The following PCDHGB4 variants were observed in gnomAD, a reference collection of about 807,000 sequenced individuals.
The protein encoded by PCDHGB4 is protocadherin gamma subfamily B, 4.
Under a neutral mutation model 60.5 loss-of-function variants are expected in PCDHGB4, and 38 were observed. The ratio of observed to expected loss-of-function variants is 0.63; its 90% CI spans 0.48 to 0.82. The LOEUF is 0.82. Ranked by LOEUF, PCDHGB4 falls within the 40% of genes least tolerant of loss-of-function variation. The pLI is 0.00. For synonymous variants in PCDHGB4, 456 were observed against 509.7 expected, an observed-to-expected ratio of 0.89 and a Z score of 1.42; for missense variants, 1,109 against 1,209.6, an observed-to-expected ratio of 0.92 and a Z score of 1.23.
Position 141,409,860 on chromosome 5 carries a change from G to A in PCDHGB4, c.2397+19579G>A, listed in dbSNP as rs764823576. On this transcript the variant is annotated intron_variant, in intron 1 of 3. Transcript: ENST00000519479. ...AACGTGAGCCTGCGCGTGTTGGTGG[G>A]AGACCGCAATGACAACGCACCGCGG... is the stretch of plus-strand genomic sequence containing the variant. The A allele has an allele frequency of 1.2e-5, 20 of 1,612,364 alleles. No homozygotes were observed. In the South Asian group the frequency reaches 1.8e-4, roughly 14 times the overall value.
Position 141,432,029 on chromosome 5 carries a change from G to A in PCDHGB4, c.2397+41748G>A. 6.2e-7 allele frequency: 1 copy of A among 1,614,178 alleles called. No individual in the cohort carries two copies. Among genetic ancestry groups the A allele is most frequent in the South Asian group, 1.1e-5 (1 of 91,086 alleles). ...TCCTAGCTACAACATCACAGTGACC[G>A]CCACTGACCGGGGAACCCCGCCCCT... On this transcript the variant is annotated intron_variant, in intron 1 of 3. Coordinates refer to ENST00000519479, the MANE Select transcript of PCDHGB4 (RefSeq NM_003736.4). This position sits in a 1 kb window ranked among gnomAD's most constrained non-coding sequence, Gnocchi z 6.0.
Position 141,392,858 on chromosome 5 carries a change from G to A in PCDHGB4, c.2397+2577G>A, listed in dbSNP as rs764346882. The A allele has an allele frequency of 1.9e-5, 31 of 1,612,486 alleles. No homozygotes were observed. The East Asian group carries it at 6.2e-4, about 32-fold the overall frequency. ...GCCCCAGACGCGGCGAGCTGATCCT[G>A]CTGTGCGCGCTGCTGGGAACGCTGT... On this transcript the variant is annotated intron_variant, in intron 1 of 3. Transcript: ENST00000519479.
rs1187459113 is a variant in PCDHGB4 at position 141,487,187 on chromosome 5, G to A, written c.2398-7620G>A. On this transcript the variant is annotated intron_variant, in intron 1 of 3. Coordinates refer to ENST00000519479, the MANE Select transcript of PCDHGB4 (RefSeq NM_003736.4). This position sits in a 1 kb window ranked among gnomAD's most constrained non-coding sequence, Gnocchi z 5.0. The stretch of plus-strand genomic sequence containing the variant: ...GTCCTTAGAGGAAGACACTCATCCA[G>A]TTGTCCCAGATCTTCGAGAATCTTC... 1.2e-6 allele frequency: 2 copies of A among 1,613,826 alleles called. No homozygotes were observed. Among genetic ancestry groups the A allele is most frequent in the Admixed American group, 3.3e-5 (2 of 60,024 alleles).
At chr5:141,409,398 A>C in intron 1 of PCDHGB4, 1 of 1,614,050 alleles carries the variant, frequency 6.2e-7, no homozygotes, top group Non-Finnish European at 8.5e-7. Flanking sequence ...TCTTCTTCCA[A>C]TAACTACTAC....
intron 1 of PCDHGB4, chr5:141,430,604 A>C (rs1288378907): frequency 7.8e-6 from 5 of 641,158 alleles, no homozygotes; most frequent in Non-Finnish European, 1.2e-5. Context: ...CGCCTGAAGC[A>C]CAAAGCAGAT....
chr5:141,509,601 G>A (rs2099877534), intron 3 of PCDHGB4, among the ~76,000 whole-genome samples: 1 of 152,144 alleles, frequency 6.6e-6, no homozygotes, highest in Non-Finnish European at 1.5e-5. Flanking sequence ...ATTCCGAGAG[G>A]CTGCATTCTA....
In PCDHGB4 at chr5:141,432,961, A is replaced by T. The variant is rs1457416543; in HGVS notation, c.2397+42680A>T. The T allele has an allele frequency of 1.5e-5, 25 of 1,613,952 alleles. 1 individual carries two copies. The South Asian group carries it at 2.3e-4, about 15-fold the overall frequency. ...AGGCTTCAGGAGGCGGCTTGACAGG[A>T]GCGCCGGCGTCGCACTTTGTGGGCG... On this transcript the variant is annotated intron_variant, in intron 1 of 3. Coordinates refer to ENST00000519479, the MANE Select transcript of PCDHGB4 (RefSeq NM_003736.4). This position sits in a 1 kb window ranked among gnomAD's most constrained non-coding sequence, Gnocchi z 6.0.
At chr5:141,403,276 C>G in intron 1 of PCDHGB4, 7 of 1,613,844 alleles carry the variant, frequency 4.3e-6, no homozygotes, top group Non-Finnish European at 5.1e-6. Context: ...ACTTTAAAGT[C>G]CTGGTTGAAG....
chr5:141,427,654 T>C (rs2097054872), intron 1 of PCDHGB4: 3 of 727,622 alleles, frequency 4.1e-6, no homozygotes, highest in Non-Finnish European at 7.4e-6. Context: ...TCCTACGTGG[T>C]CCACGTGGCC....
At chr5:141,406,189 C>G (rs1277183811) in intron 1 of PCDHGB4, among the ~76,000 whole-genome samples, 1 of 151,722 alleles carries the variant, frequency 6.6e-6, no homozygotes, top group Admixed American at 6.6e-5. Context: ...CCTCCCACCT[C>G]AGCCTTCACA....
chr5:141,396,597 G>A (rs2150671251), intron 1 of PCDHGB4: 1 of 151,620 alleles, frequency 6.6e-6, no homozygotes, highest in Middle Eastern at 3.4e-3. Flanking sequence ...TCCAGCCTGG[G>A]CAACAGGGTG....
chr5:141,433,843 A>C (rs2097657951), intron 1 of PCDHGB4, among the ~76,000 whole-genome samples: 1 of 151,956 alleles, frequency 6.6e-6, no homozygotes, highest in African/African-American at 2.4e-5. Context: ...ATCTCAAAAA[A>C]AAAAAAAAAA....
Position 141,486,674 on chromosome 5 carries a change from G to A in PCDHGB4, c.2398-8133G>A. On this transcript the variant is annotated intron_variant, in intron 1 of 3. Transcript: ENST00000519479. This position sits in a 1 kb window ranked among gnomAD's most constrained non-coding sequence, Gnocchi z 5.0. ...CTCACTCCTGGAGCCCAGGAATCGA[G>A]ATGTATCAGCTTCCTCTTTCATCTC... The A allele has an allele frequency of 1.9e-6, 3 of 1,614,080 alleles. No individual in the cohort carries two copies. Among genetic ancestry groups the A allele is most frequent in the Non-Finnish European group, 2.5e-6 (3 of 1,180,036 alleles).
intron 1 of PCDHGB4, chr5:141,422,216 C>T (rs1241784107): frequency 6.4e-7 from 1 of 1,563,862 alleles, no homozygotes; most frequent in African/African-American, 1.4e-5. Flanking sequence ...GGTCTCTTTA[C>T]CACCACGACG....
intron 1 of PCDHGB4, chr5:141,441,038 G>T (rs1263659082): frequency 1.3e-5 from 2 of 152,156 alleles, no homozygotes; most frequent in Non-Finnish European, 2.9e-5. Flanking sequence ...AAAACTTTAA[G>T]TACATTGGAC....
chr5:141,510,862 C>CATTCA, intron 3 of PCDHGB4, 85 bp from the exon 4 acceptor site: 1 of 1,606,772 alleles, frequency 6.2e-7, no homozygotes, highest in South Asian at 1.1e-5. Flanking sequence ...GCTGTATAGG[C>CATTCA]ATTCATTAAC....
At chr5:141,507,842 C>CT (rs2099864170) in intron 3 of PCDHGB4, among the ~76,000 whole-genome samples, 1 of 152,230 alleles carries the variant, frequency 6.6e-6, no homozygotes, top group Admixed American at 6.5e-5. Flanking sequence ...GGGTCAGGCC[C>CT]TGCTCTCACT....
At chr5:141,467,348 C>T (rs1182432500) in intron 1 of PCDHGB4, among the ~76,000 whole-genome samples, 5 of 152,142 alleles carry the variant, frequency 3.3e-5, no homozygotes, top group African/African-American at 9.7e-5. Context: ...CCACTGCCCC[C>T]GGCCAAATCA....
intron 1 of PCDHGB4, chr5:141,408,754 T>G: frequency 6.2e-7 from 1 of 1,610,602 alleles, no homozygotes; most frequent in Non-Finnish European, 8.5e-7. Flanking sequence ...TGGTTAGAGT[T>G]AATTCCGATG....
Sources: allele counts gnomAD v4.1 joint callset (sites outside exome capture counted in the v4.1 genomes callset), GRCh38; gene constraint gnomAD v4.1.1; non-coding constraint Gnocchi (gnomAD v3.1); transcripts MANE v1.5; gene names NCBI Gene and HGNC (gene_info 2026-07-23, HGNC 2026-07-21).